PFDN1: variants seen among roughly 807,000 people sequenced by gnomAD.
PFDN1 encodes the protein prefoldin 1.
In PFDN1, 6 loss-of-function variants were observed where a neutral mutation model predicts 17.3. The observed-to-expected ratio is 0.35, with a 90% CI of 0.19 to 0.69. The LOEUF is 0.69. PFDN1 is among the 30% of genes least tolerant of loss of function. PFDN1 has a pLI of 0.65. For synonymous variants in PFDN1, 58 were observed against 50.1 expected, an observed-to-expected ratio of 1.16 and a Z score of -0.67; for missense variants, 113 against 146.2, an observed-to-expected ratio of 0.77 and a Z score of 1.17.
chr5:140,300,157 A>G (rs1412444621), intron 2 of PFDN1, among the ~76,000 whole-genome samples: 1 of 152,082 alleles, frequency 6.6e-6, no homozygotes, highest in Admixed American at 6.5e-5. Flanking sequence ...CTCCTGCCTC[A>G]GCCTCCCAAG....
chr5:140,267,434 C>T (rs1765148410), intron 3 of PFDN1, among the ~76,000 whole-genome samples: 1 of 152,244 alleles, frequency 6.6e-6, no homozygotes, highest in Non-Finnish European at 1.5e-5. Flanking sequence ...TCCGAGCATG[C>T]TCTTTCAGCC....
intron 3 of PFDN1, among the ~76,000 whole-genome samples, chr5:140,258,053 C>G (rs1765012290): frequency 6.6e-6 from 1 of 152,062 alleles, no homozygotes; most frequent in African/African-American, 2.4e-5. Context: ...AGCACAGAGA[C>G]AGAAAGGGTG....
At chr5:140,288,103 A>G (rs1765524785) in intron 2 of PFDN1, among the ~76,000 whole-genome samples, 1 of 152,254 alleles carries the variant, frequency 6.6e-6, no homozygotes, top group African/African-American at 2.4e-5. Flanking sequence ...TTCCATGCAC[A>G]TGTGCAAATG....
At chr5:140,296,211 G>A (rs1765651244) in intron 2 of PFDN1, among the ~76,000 whole-genome samples, 1 of 152,088 alleles carries the variant, frequency 6.6e-6, no homozygotes, top group Non-Finnish European at 1.5e-5. Flanking sequence ...TCATTCTTAA[G>A]TCTCTAACAC....
intron 2 of PFDN1, among the ~76,000 whole-genome samples, chr5:140,298,572 A>T (rs1021255346): frequency 2.3e-4 from 35 of 152,136 alleles, no homozygotes; most frequent in African/African-American, 8.2e-4. Context: ...TGCTTACAGA[A>T]TATGAAGCAG....
At chr5:140,279,361 A>G (rs1765354957) in intron 3 of PFDN1, among the ~76,000 whole-genome samples, 1 of 152,210 alleles carries the variant, frequency 6.6e-6, no homozygotes, top group Non-Finnish European at 1.5e-5. Flanking sequence ...CCTAAAAGAT[A>G]AAACATTCTA....
chr5:140,278,885 G>A (rs1199463635), intron 3 of PFDN1, among the ~76,000 whole-genome samples: 1 of 152,190 alleles, frequency 6.6e-6, no homozygotes, highest in African/African-American at 2.4e-5. Context: ...CAGTGGAAAA[G>A]TATAGGATTG....
At chr5:140,251,489 G>C (rs1001271635) in intron 3 of PFDN1, among the ~76,000 whole-genome samples, 3 of 152,158 alleles carry the variant, frequency 2.0e-5, no homozygotes, top group African/African-American at 7.2e-5. Flanking sequence ...TTGAGGAACT[G>C]CTCTATCCGA....
intron 3 of PFDN1, among the ~76,000 whole-genome samples, chr5:140,258,777 T>A (rs969800712): frequency 3.3e-5 from 5 of 152,160 alleles, no homozygotes; most frequent in African/African-American, 1.2e-4. Flanking sequence ...GAGGAGGACC[T>A]GGTTTGGAAG....
chr5:140,253,627 T>C (rs1014423017), intron 3 of PFDN1, among the ~76,000 whole-genome samples: 1 of 152,030 alleles, frequency 6.6e-6, no homozygotes, highest in African/African-American at 2.4e-5. Flanking sequence ...CCTAATGCAA[T>C]ATGGTGCTGA....
At chr5:140,284,093 T>G (rs1031502898) in intron 2 of PFDN1, among the ~76,000 whole-genome samples, 13 of 152,208 alleles carry the variant, frequency 8.5e-5, no homozygotes, top group African/African-American at 2.9e-4. Context: ...ACTAAATCTC[T>G]TGAGCAGAAA....
chr5:140,292,832 A>G (rs1765598552), intron 2 of PFDN1: 1 of 152,162 alleles, frequency 6.6e-6, no homozygotes, highest in African/African-American at 2.4e-5. Flanking sequence ...AATTTCTGAT[A>G]TTATAAATAA....
intron 3 of PFDN1, among the ~76,000 whole-genome samples, chr5:140,274,740 C>G (rs1487766755): frequency 6.6e-6 from 1 of 152,050 alleles, no homozygotes; most frequent in South Asian, 2.1e-4. Context: ...CAGAGCACAG[C>G]GGCTCACGCT....
chr5:140,259,772 T>C (rs905789024), intron 3 of PFDN1, among the ~76,000 whole-genome samples: 31 of 152,186 alleles, frequency 2.0e-4, no homozygotes, highest in Non-Finnish European at 1.6e-4. Flanking sequence ...CATGCAGGTG[T>C]GTGTGGCTAG....
At chr5:140,249,679 T>C (rs1353558745) in intron 3 of PFDN1, among the ~76,000 whole-genome samples, 1 of 152,066 alleles carries the variant, frequency 6.6e-6, no homozygotes, top group Admixed American at 6.6e-5. Flanking sequence ...CTGGAGAGGG[T>C]TTCTGGCTGC....
At chr5:140,294,641 T>A (rs780360871) in intron 2 of PFDN1, among the ~76,000 whole-genome samples, 1 of 152,094 alleles carries the variant, frequency 6.6e-6, no homozygotes, top group Middle Eastern at 3.2e-3. Context: ...CAAGCTGTCA[T>A]AAAGAGTTCA....
In PFDN1 at chr5:140,254,812, C is replaced by T. The variant is rs1764963481; in HGVS notation, c.286-8755G>A. On this transcript the variant is annotated intron_variant, in intron 3 of 3. Transcript: ENST00000261813. The surrounding 1 kb of genome is among the most constrained non-coding windows in gnomAD (Gnocchi z 4.4). The stretch of plus-strand genomic sequence containing the variant: ...AACAACTTGTTCATTTTCCATTATG[C>T]TTCCATGGGCTTTTCCCTTCCTACC... Among the ~76,000 whole-genome samples the T allele has an allele frequency of 6.6e-6, 1 of 152,216 alleles. No homozygotes were observed. Among genetic ancestry groups the T allele is most frequent in the African/African-American group, 2.4e-5 (1 of 41,448 alleles).
intron 2 of PFDN1, among the ~76,000 whole-genome samples, chr5:140,283,906 A>T (rs1372519513): frequency 1.3e-5 from 2 of 152,204 alleles, no homozygotes; most frequent in Admixed American, 1.3e-4. Context: ...CATGGAAATA[A>T]TTTTTTGAGT....
At chr5:140,266,168 T>C (rs1189937461) in intron 3 of PFDN1, among the ~76,000 whole-genome samples, 1 of 152,182 alleles carries the variant, frequency 6.6e-6, no homozygotes, top group Non-Finnish European at 1.5e-5. Flanking sequence ...TGGGCCTTAA[T>C]CACAGGCCCA....
Sources: gnomAD v4.1 joint callset for allele counts (sites outside exome capture counted in the v4.1 genomes callset) on GRCh38, gnomAD v4.1.1 for gene constraint, Gnocchi (gnomAD v3.1) non-coding constraint, MANE v1.5 for transcripts, NCBI Gene and HGNC (gene_info 2026-07-23, HGNC 2026-07-21) for gene names.